The following SV2B variants were observed in gnomAD, a reference collection of about 807,000 sequenced individuals.
SV2B encodes solute carrier family 22 member B2.
In SV2B, 41 loss-of-function variants were observed where a neutral mutation model predicts 73.9. The ratio of observed to expected loss-of-function variants is 0.56; its 90% confidence interval spans 0.43 to 0.72. SV2B has a LOEUF of 0.72. Ranked by LOEUF, SV2B falls within the 30% of genes least tolerant of loss-of-function variation. SV2B has a pLI of 0.00. For missense variants in SV2B, 764 were observed against 857.8 expected, an observed-to-expected ratio of 0.89 and a Z score of 1.37; for synonymous variants, 314 against 314.2, an observed-to-expected ratio of 1.00 and a Z score of 0.01.
chr15:91,190,742 C>G (rs1402412457), intron 1 of SV2B, among the ~76,000 whole-genome samples: 1 of 152,174 alleles, frequency 6.6e-6, no homozygotes, highest in Non-Finnish European at 1.5e-5. Context: ...TGTCAATACA[C>G]CTATGCACAC....
intron 1 of SV2B, among the ~76,000 whole-genome samples, chr15:91,148,183 G>A (rs982103215): frequency 9.2e-5 from 14 of 151,826 alleles, no homozygotes; most frequent in African/African-American, 3.4e-4. Context: ...GTTTCACCAT[G>A]TTGGTCAGGC....
intron 1 of SV2B, among the ~76,000 whole-genome samples, chr15:91,173,900 C>A (rs141006443): frequency 6.6e-6 from 1 of 152,146 alleles, no homozygotes; most frequent in Admixed American, 6.5e-5. Context: ...TACTTTGATG[C>A]CTTTTTCTTC....
In SV2B at chr15:91,113,174, C is replaced by T. The variant is rs540172913; in HGVS notation, c.-392+12811C>T. 3.3e-5 allele frequency among the ~76,000 whole-genome samples: 5 copies of T among 152,284 alleles called. No individual in the cohort carries two copies. In the East Asian group the frequency reaches 9.7e-4, roughly 29 times the overall value. ...AAGTATGCAGTTTAGAAGCCTTTGG[C>T]AAAGACCAGCTGGCTTCATTTCCTC... On this transcript the variant is annotated intron_variant, in intron 1 of 12. Coordinates refer to ENST00000394232, the MANE Select transcript of SV2B (RefSeq NM_001323032.3).
At chr15:91,103,987 C>T (rs947406576) in intron 1 of SV2B, among the ~76,000 whole-genome samples, 5 of 152,128 alleles carry the variant, frequency 3.3e-5, no homozygotes, top group African/African-American at 1.2e-4. Flanking sequence ...CCTGCAGACC[C>T]CTGTCATAAC....
chr15:91,192,305 G>C (rs1040568525), intron 1 of SV2B, among the ~76,000 whole-genome samples: 5 of 152,066 alleles, frequency 3.3e-5, no homozygotes, highest in African/African-American at 1.2e-4. Flanking sequence ...TTTCACTCTC[G>C]CATTTGATTA....
intron 1 of SV2B, among the ~76,000 whole-genome samples, chr15:91,193,327 T>G (rs2045116120): frequency 6.6e-6 from 1 of 152,236 alleles, no homozygotes; most frequent in South Asian, 2.1e-4. Flanking sequence ...TTGGCCGACG[T>G]TGGCCTGTGT....
chr15:91,122,552 T>C lies in SV2B; in HGVS notation c.-392+22189T>C, dbSNP rs1027865818. Among the ~76,000 whole-genome samples, 13 of 152,226 alleles carry C rather than the reference T, an allele frequency of 8.5e-5. No individual in the cohort carries two copies. Among genetic ancestry groups the C allele is most frequent in the African/African-American group, 3.1e-4 (13 of 41,458 alleles). ...GCAGAGCAGACTCCCCCATCCTGGTTTCCTCTCCATCCTTTTTGCTGCTTC... is the reference window on the plus strand; with the variant it reads ...GCAGAGCAGACTCCCCCATCCTGGTCTCCTCTCCATCCTTTTTGCTGCTTC... On this transcript the variant is annotated intron_variant, in intron 1 of 12. Transcript: ENST00000394232. This position sits in a 1 kb window ranked among gnomAD's most constrained non-coding sequence, Gnocchi z 4.3.
intron 12 of SV2B, among the ~76,000 whole-genome samples, chr15:91,291,454 G>A (rs961866042): frequency 6.6e-5 from 10 of 152,094 alleles, no homozygotes; most frequent in African/African-American, 9.7e-5. Flanking sequence ...AGAAAGAAAC[G>A]CTTTATTTCA....
At chr15:91,263,261 G>GACACAGACACATGGACACACATGA (rs2047982160) in intron 6 of SV2B, among the ~76,000 whole-genome samples, 1 of 117,662 alleles carries the variant, frequency 8.5e-6, no homozygotes, top group Non-Finnish European at 1.6e-5. Flanking sequence ...GGAACACACG[G>GACACAGACACATGGACACACATGA]ACACAGACAC....
chr15:91,209,562 A>G (rs1480465613), intron 1 of SV2B, among the ~76,000 whole-genome samples: 1 of 152,236 alleles, frequency 6.6e-6, no homozygotes, highest in Non-Finnish European at 1.5e-5. Flanking sequence ...TCATCACACT[A>G]TTAGCTGAGC....
intron 1 of SV2B, among the ~76,000 whole-genome samples, chr15:91,149,455 A>C (rs2043243524): frequency 6.6e-6 from 1 of 152,188 alleles, no homozygotes; most frequent in Non-Finnish European, 1.5e-5. Flanking sequence ...GACCTGTAGG[A>C]CTTTATCTCA....
At chr15:91,182,355 G>A (rs2044611858) in intron 1 of SV2B, among the ~76,000 whole-genome samples, 1 of 152,178 alleles carries the variant, frequency 6.6e-6, no homozygotes, top group Non-Finnish European at 1.5e-5. Flanking sequence ...CTGGCACATA[G>A]CAAGTTCTCG....
intron 2 of SV2B, among the ~76,000 whole-genome samples, chr15:91,230,666 G>A (rs961118417): frequency 7.2e-5 from 11 of 152,122 alleles, no homozygotes; most frequent in African/African-American, 2.7e-4. Context: ...AATGAAGAAG[G>A]CATTCATTTG....
rs886322107 is a variant in SV2B at position 91,267,138 on chromosome 15, G to A, written c.1120-417G>A. On this transcript the variant is annotated intron_variant, in intron 7 of 12. Coordinates refer to ENST00000394232, the MANE Select transcript of SV2B (RefSeq NM_001323032.3). The surrounding 1 kb of genome is among the most constrained non-coding windows in gnomAD (Gnocchi z 4.3). ...CCAAGTAGGGAGCCAGTCAGCTATT[G>A]AGCACTGAGGCAGCCAGACAGCCAG... Among the ~76,000 whole-genome samples the A allele has an allele frequency of 2.6e-5, 4 of 152,218 alleles. No individual in the cohort carries two copies. Among genetic ancestry groups the A allele is most frequent in the African/African-American group, 9.6e-5 (4 of 41,466 alleles).
At chr15:91,225,133 G>A (rs745498351) in intron 1 of SV2B, among the ~76,000 whole-genome samples, 18 of 152,190 alleles carry the variant, frequency 1.2e-4, no homozygotes, top group Non-Finnish European at 2.2e-4. Flanking sequence ...GGAAAGATGC[G>A]TGTATGGTCA....
intron 1 of SV2B, among the ~76,000 whole-genome samples, chr15:91,191,059 G>GTTTTTTTTTTTTTTTTTTTTTTTTTTT (rs1161482690): frequency 5.0e-5 from 3 of 59,730 alleles, no homozygotes; most frequent in East Asian, 8.8e-4. Context: ...TTTTTTTGGT[G>GTTTTTTTTTTTTTTTTTTTTTTTTTTT]TTTCTTTTTT....
Position 91,213,478 on chromosome 15 carries a change from C to T in SV2B, c.-391-12395C>T, listed in dbSNP as rs138381208. Among the ~76,000 whole-genome samples, 265 of 152,128 alleles carry T rather than the reference C, an allele frequency of 1.7e-3. 1 individual carries two copies. Among genetic ancestry groups the T allele is most frequent in the African/African-American group, 6.1e-3 (254 of 41,506 alleles). On this transcript the variant is annotated intron_variant, in intron 1 of 12. Coordinates refer to ENST00000394232, the MANE Select transcript of SV2B (RefSeq NM_001323032.3). ...ATACAAAGGTAAAGGTATGTATCTC[C>T]TTGTGTTGTAAAGTTGAAATGAGAT...
At chr15:91,102,452 G>A (rs1028296522) in intron 1 of SV2B, 2 of 152,106 alleles carry the variant, frequency 1.3e-5, no homozygotes, top group African/African-American at 2.4e-5. Context: ...ATTGTTACCC[G>A]ATCATCATAT....
intron 1 of SV2B, among the ~76,000 whole-genome samples, chr15:91,198,782 G>A (rs2045352206): frequency 6.6e-6 from 1 of 152,144 alleles, no homozygotes. Flanking sequence ...AATTGTTAAA[G>A]CTACGTGGAG....
Sources: allele counts gnomAD v4.1 joint callset (sites outside exome capture counted in the v4.1 genomes callset), GRCh38; gene constraint gnomAD v4.1.1; non-coding constraint Gnocchi (gnomAD v3.1); transcripts MANE v1.5; gene names NCBI Gene and HGNC (gene_info 2026-07-23, HGNC 2026-07-21).